RALGAPA1: variants seen among roughly 807,000 people sequenced by gnomAD.
RALGAPA1 encodes the protein Ral GTPase activating protein catalytic subunit alpha 1, also known as ral GTPase-activating protein subunit alpha-1.
A neutral mutation model predicts 269.6 loss-of-function variants in RALGAPA1; 52 were observed. The ratio of observed to expected loss-of-function variants is 0.19; its 90% CI spans 0.15 to 0.24. The LOEUF (loss-of-function observed/expected upper bound fraction) is 0.24, where lower values mean the gene tolerates loss of function less well. Ranked by LOEUF, RALGAPA1 falls within the 10% of genes least tolerant of loss-of-function variation. The pLI, the probability that RALGAPA1 is intolerant of heterozygous loss-of-function variation, is 1.00. For missense variants in RALGAPA1, 1,917 were observed against 3,013.9 expected (o/e 0.64, Z 8.52); for synonymous variants, 817 against 1,008.3 (o/e 0.81, Z 3.60).
chr14:35,652,651 C>T (rs2140021242), intron 30 of RALGAPA1, among the ~76,000 whole-genome samples: 1 of 152,094 alleles, frequency 6.6e-6, no homozygotes, highest in East Asian at 1.9e-4. Context: ...GTGATCCGCC[C>T]ACCTCAGCCT....
intron 1 of RALGAPA1, among the ~76,000 whole-genome samples, chr14:35,789,139 T>A (rs1358824895): frequency 6.6e-6 from 1 of 152,136 alleles, no homozygotes; most frequent in African/African-American, 2.4e-5. Flanking sequence ...TAGGGAAGAC[T>A]TCATAGAGGC....
intron 39 of RALGAPA1, among the ~76,000 whole-genome samples, chr14:35,560,918 G>A (rs953964988): frequency 2.0e-5 from 3 of 152,034 alleles, no homozygotes; most frequent in African/African-American, 4.8e-5. Flanking sequence ...ATCTTTAAAG[G>A]TATGCAGTAC....
intron 22 of RALGAPA1, among the ~76,000 whole-genome samples, chr14:35,675,475 C>T (rs890873861): frequency 3.3e-5 from 5 of 152,056 alleles, no homozygotes; most frequent in African/African-American, 4.8e-5. Context: ...CGCACCCGAC[C>T]GAAAAATAAA....
intron 12 of RALGAPA1, among the ~76,000 whole-genome samples, chr14:35,730,538 T>TTCC (rs199581860): frequency 0.19 from 28,372 of 152,028 alleles, 3,428 homozygotes; most frequent in Admixed American, 0.3. Context: ...TCAGTGTTGT[T>TTCC]AGGGCGGGCA....
Position 35,688,960 on chromosome 14 carries a change from G to C in RALGAPA1, c.3451C>G (p.His1151Asp). Residue 1151 changes from histidine (H) to aspartate (D), a missense_variant, in exon 18 of 42, where the codon CAT (histidine) becomes GAT (aspartate). Physicochemically the swap from His to Asp is moderately conservative, Grantham distance 81 (BLOSUM62 -1). Coordinates refer to ENST00000680220, the MANE Select transcript of RALGAPA1 (RefSeq NM_001346249.2). ...KIATKKRNSV[H>D]VTFRPSTESV... is the part of the protein sequence containing the mutation. ...TCAGTGGATGGCCTAAAAGTAACAT[G>C]AACACTATTTCGTTTTTTAGTAGCA... 3 of 1,237,848 alleles carry C rather than the reference G, an allele frequency of 2.4e-6. No homozygotes were observed. The highest frequency in any genetic ancestry group is 3.0e-6 in the Non-Finnish European group (3 of 991,370). The allele number at this position is 1,237,848 out of a possible 1,614,324, so 76.7% of individuals were successfully genotyped here.
chr14:35,779,649 G>A (rs914257920), intron 1 of RALGAPA1, among the ~76,000 whole-genome samples: 18 of 151,448 alleles, frequency 1.2e-4, no homozygotes, highest in African/African-American at 4.1e-4. Flanking sequence ...CACAATGTTC[G>A]AGGAAAAAAA....
At chr14:35,728,642 A>C in intron 12 of RALGAPA1, 132 bp from the exon 13 acceptor site, 1 of 1,304,318 alleles carries the variant, frequency 7.7e-7, no homozygotes, top group Non-Finnish European at 9.8e-7. Context: ...AAACTCATTA[A>C]ACCTACCTAT....
At chr14:35,590,924 G>A (rs1364654552) in intron 37 of RALGAPA1, among the ~76,000 whole-genome samples, 1 of 152,184 alleles carries the variant, frequency 6.6e-6, no homozygotes, top group Admixed American at 6.5e-5. Flanking sequence ...ACTGAGGATA[G>A]GATTTTCAAT....
chr14:35,679,912 T>C (rs1424162248), intron 21 of RALGAPA1, among the ~76,000 whole-genome samples: 1 of 152,188 alleles, frequency 6.6e-6, no homozygotes, highest in Admixed American at 6.5e-5. Flanking sequence ...TTATGTTACA[T>C]AGTAGGTGAA....
At chr14:35,808,662 G>T in intron 1 of RALGAPA1, 68 bp downstream of exon 1, 1 of 1,522,536 alleles carries the variant, frequency 6.6e-7, no homozygotes, top group Non-Finnish European at 8.9e-7. Flanking sequence ...GAGAGAGTCC[G>T]CAGGGGCTCC....
At chr14:35,767,522 C>T (rs929098983) in intron 4 of RALGAPA1, among the ~76,000 whole-genome samples, 3 of 151,972 alleles carry the variant, frequency 2.0e-5, no homozygotes, top group East Asian at 3.9e-4. Flanking sequence ...CCTGTCTCTA[C>T]TAAAAATACA....
chr14:35,785,656 A>G (rs1268046778), intron 1 of RALGAPA1, among the ~76,000 whole-genome samples: 2 of 152,192 alleles, frequency 1.3e-5, no homozygotes, highest in Non-Finnish European at 2.9e-5. Flanking sequence ...CTTTACGACA[A>G]ATGTATTACT....
chr14:35,677,447 A>C (rs1250248026), intron 22 of RALGAPA1: 1 of 153,460 alleles, frequency 6.5e-6, no homozygotes, highest in East Asian at 1.9e-4. Flanking sequence ...TTCCCAAGTC[A>C]CTTTTTAACA....
At chr14:35,654,555 C>T (rs975022497) in intron 29 of RALGAPA1, 78 bp from the exon 30 acceptor site, 1 of 1,435,892 alleles carries the variant, frequency 7.0e-7, no homozygotes, top group Non-Finnish European at 9.3e-7. Flanking sequence ...AAAATTTTTA[C>T]ATTTCATACA....
rs755523487 is a variant in RALGAPA1, at chr14:35,775,596, A to G, written c.217+39T>C. ...AAGTTATGTTTATGACAATTATTAG[A>G]AATATTAACATACGCCAAGATATAT... is the stretch of plus-strand genomic sequence containing the variant. On this transcript the variant is annotated intron_variant, in intron 2 of 41. Coordinates refer to ENST00000680220, the MANE Select transcript of RALGAPA1 (RefSeq NM_001346249.2). 68 of 1,542,110 alleles carry G rather than the reference A, an allele frequency of 4.4e-5. 1 individual carries two copies. In the South Asian group the frequency reaches 5.7e-4, roughly 13 times the overall value.
In RALGAPA1 at chr14:35,775,031, A is replaced by C; in HGVS notation, c.242T>G (p.Leu81Trp). 6.4e-7 allele frequency: 1 copy of C among 1,572,964 alleles called. No homozygotes were observed. The highest frequency in any genetic ancestry group is 2.3e-5 in the East Asian group (1 of 44,188). The change falls in exon 3 of 42, where the codon TTG becomes TGG. Residue 81 changes from leucine to tryptophan, a missense_variant. Coordinates refer to ENST00000680220, the MANE Select transcript of RALGAPA1 (RefSeq NM_001346249.2). ...QKGHKSQREE[L>W]DAILFIFEKI... ...CTCAAAAATAAAAAGTATAGCATCC[A>C]ATTCCTCTCTTTGAGACTTGTGACC...
intron 27 of RALGAPA1, among the ~76,000 whole-genome samples, chr14:35,660,731 G>A (rs982891537): frequency 6.6e-6 from 1 of 151,934 alleles, no homozygotes; most frequent in African/African-American, 2.4e-5. Flanking sequence ...TAAAGAAAAT[G>A]TGACACACCC....
intron 16 of RALGAPA1, among the ~76,000 whole-genome samples, chr14:35,714,306 T>G (rs1455260059): frequency 2.0e-5 from 3 of 152,178 alleles, no homozygotes; most frequent in African/African-American, 7.2e-5. Context: ...ATATTCGTAT[T>G]TTGATAAACA....
intron 16 of RALGAPA1, 71 bp from the exon 17 acceptor site, chr14:35,700,373 C>A: frequency 1.6e-6 from 2 of 1,224,222 alleles, no homozygotes; most frequent in South Asian, 2.1e-5. Context: ...GCTCGTGTCA[C>A]AGAAAAAGCA....
Sources: gnomAD v4.1 joint callset for allele counts (sites outside exome capture counted in the v4.1 genomes callset) on GRCh38, gnomAD v4.1.1 for gene constraint, MANE v1.5 for transcripts, NCBI Gene and HGNC (gene_info 2026-07-23, HGNC 2026-07-21) for gene names.